PAG1: variants seen among roughly 807,000 people sequenced by gnomAD.
PAG1 encodes the protein phosphoprotein membrane anchor with glycosphingolipid microdomains 1.
A neutral mutation model predicts 31.7 loss-of-function variants in PAG1; 23 were observed. The observed-to-expected ratio is 0.73, with a 90% confidence interval of 0.52 to 1.03. The LOEUF (loss-of-function observed/expected upper bound fraction) is 1.03, where lower values mean the gene tolerates loss of function less well. PAG1 is among the 50% of genes least tolerant of loss of function. The pLI is 0.00. For synonymous variants in PAG1, 214 were observed against 210.3 expected, an observed-to-expected ratio of 1.02 and a Z score of -0.15; for missense variants, 473 against 540.7, an observed-to-expected ratio of 0.87 and a Z score of 1.24.
Position 80,968,875 on chromosome 8 carries a change from C to A in PAG1, c.*7669G>T, listed in dbSNP as rs1807018143. On this transcript the variant is annotated 3_prime_UTR_variant, in exon 9 of 9. Transcript: ENST00000220597. ...AGTGGCAGATAGGGAATTGGGCCAA[C>A]ACATTTCTCAGAGAGACATGAGAAC... 6.6e-6 allele frequency: 1 copy of A among 152,184 alleles called. No individual in the cohort carries two copies. Among genetic ancestry groups the A allele is most frequent in the African/African-American group, 2.4e-5 (1 of 41,458 alleles). The allele number at this position is 152,184 out of a possible 1,614,324, so 9.4% of individuals were successfully genotyped here.
intron 2 of PAG1, among the ~76,000 whole-genome samples, chr8:81,031,082 T>C (rs573423254): frequency 6.6e-6 from 1 of 152,356 alleles, no homozygotes; most frequent in East Asian, 1.9e-4. Context: ...TGTTCTTTTG[T>C]TAGAACCACA....
chr8:81,088,539 A>G (rs1222915456), intron 1 of PAG1, among the ~76,000 whole-genome samples: 2 of 152,206 alleles, frequency 1.3e-5, no homozygotes, highest in African/African-American at 2.4e-5. Context: ...ATAATACAAA[A>G]TAGACAAACA....
chr8:81,041,652 T>C (rs2130837105), intron 2 of PAG1, among the ~76,000 whole-genome samples: 1 of 152,358 alleles, frequency 6.6e-6, no homozygotes, highest in Non-Finnish European at 1.5e-5. Flanking sequence ...CTTCTACCTC[T>C]TTTAGGTAGT....
At chr8:81,080,104 G>A (rs199579886) in intron 1 of PAG1, among the ~76,000 whole-genome samples, 2 of 152,086 alleles carry the variant, frequency 1.3e-5, no homozygotes, top group East Asian at 3.9e-4. Flanking sequence ...TTGAATCTCC[G>A]CAAAACTACT....
chr8:81,045,611 G>A (rs1808628889), intron 2 of PAG1, among the ~76,000 whole-genome samples: 1 of 152,176 alleles, frequency 6.6e-6, no homozygotes, highest in Admixed American at 6.5e-5. Context: ...AAAATTGATT[G>A]TGGTGATGGT....
At chr8:81,050,061 AC>A (rs1320116126) in intron 2 of PAG1, among the ~76,000 whole-genome samples, 1 of 152,236 alleles carries the variant, frequency 6.6e-6, no homozygotes, top group Non-Finnish European at 1.5e-5. Flanking sequence ...ATGGATAAAA[AC>A]AAAAATTAAC....
At position 81,030,638 on chromosome 8, in the gene PAG1, T is replaced by C. The variant is rs181893657; in HGVS notation, c.-174-549A>G. 2.0e-5 allele frequency among the ~76,000 whole-genome samples: 3 copies of C among 152,356 alleles called. No individual in the cohort carries two copies. The East Asian group carries it at 5.8e-4, about 29-fold the overall frequency. On this transcript the variant is annotated intron_variant, in intron 2 of 8. Coordinates refer to ENST00000220597, the MANE Select transcript of PAG1 (RefSeq NM_018440.4). ...CGAGTTGTCCCTTCACGCATTCTGC[T>C]GTGGAAATGGGGAAGATGTTCAGAA...
At chr8:81,103,357 A>G (rs1049154521) in intron 1 of PAG1, among the ~76,000 whole-genome samples, 18 of 152,306 alleles carry the variant, frequency 1.2e-4, no homozygotes, top group Non-Finnish European at 2.5e-4. Flanking sequence ...ATACAGCAAC[A>G]TGATGGAGTG....
intron 3 of PAG1, among the ~76,000 whole-genome samples, chr8:80,997,552 G>T (rs1332709839): frequency 3.3e-5 from 5 of 152,168 alleles, no homozygotes; most frequent in African/African-American, 2.4e-5. Flanking sequence ...ACCACACCCA[G>T]CCTATTTCTT....
chr8:80,985,931 C>T (rs1807410089), intron 6 of PAG1, among the ~76,000 whole-genome samples: 1 of 149,308 alleles, frequency 6.7e-6, no homozygotes, highest in African/African-American at 2.5e-5. Flanking sequence ...CATCTCATCC[C>T]GCCACCAACA....
chr8:80,997,355 C>T (rs1420747756), intron 3 of PAG1, among the ~76,000 whole-genome samples: 2 of 152,090 alleles, frequency 1.3e-5, no homozygotes, highest in African/African-American at 4.8e-5. Flanking sequence ...ACTGCAGCCT[C>T]GACCTCCTGG....
At chr8:81,031,902 T>G (rs1380429118) in intron 2 of PAG1, among the ~76,000 whole-genome samples, 1 of 152,238 alleles carries the variant, frequency 6.6e-6, no homozygotes, top group African/African-American at 2.4e-5. Context: ...CCCATATATT[T>G]ATATTCCTTC....
chr8:81,089,974 TATATCTTTCC>T (rs1809419984), intron 1 of PAG1, among the ~76,000 whole-genome samples: 1 of 152,244 alleles, frequency 6.6e-6, no homozygotes. Flanking sequence ...AAACTCTGCA[TATATCTTTCC>T]ACTTACTCTT....
intron 2 of PAG1, among the ~76,000 whole-genome samples, chr8:81,034,763 C>T (rs983549393): frequency 6.6e-6 from 1 of 152,192 alleles, no homozygotes; most frequent in Non-Finnish European, 1.5e-5. Flanking sequence ...TACTGGAAGA[C>T]ACCTATTTAA....
chr8:81,078,122 G>A (rs1809207396), intron 1 of PAG1, among the ~76,000 whole-genome samples: 1 of 152,208 alleles, frequency 6.6e-6, no homozygotes, highest in Non-Finnish European at 1.5e-5. Context: ...CTCCTTCAGT[G>A]CCAGAGTTTC....
rs1207164759 is a variant in PAG1, at chr8:81,019,561, A to G, written c.-81+10435T>C. Reference sequence around the variant, plus strand: ...GCTTCAGAGGGTGCAAGCCCCAAGCATTGGTGGCTTACACATGGTGTTGGG... The same window carrying G: ...GCTTCAGAGGGTGCAAGCCCCAAGCGTTGGTGGCTTACACATGGTGTTGGG... On this transcript the variant is annotated intron_variant, in intron 3 of 8. Coordinates refer to ENST00000220597, the MANE Select transcript of PAG1 (RefSeq NM_018440.4). Among the ~76,000 whole-genome samples the G allele has an allele frequency of 2.6e-5, 4 of 152,242 alleles. No homozygotes were observed. The East Asian group carries it at 5.8e-4, about 22-fold the overall frequency.
At chr8:81,007,494 G>A (rs1426707276) in intron 3 of PAG1, among the ~76,000 whole-genome samples, 1 of 150,376 alleles carries the variant, frequency 6.6e-6, no homozygotes, top group Non-Finnish European at 1.5e-5. Flanking sequence ...AATAGTAGAC[G>A]GGTGTGGTGG....
In PAG1 at chr8:81,023,126, C is replaced by A. The variant is rs571158984; in HGVS notation, c.-81+6870G>T. ...ATAAGAAGTGCCTTAAGTAAAATTA[C>A]TTGATTTTAAGTTAATTATTATTAA... is the stretch of plus-strand genomic sequence containing the variant. On this transcript the variant is annotated intron_variant, in intron 3 of 8. Coordinates refer to ENST00000220597, the MANE Select transcript of PAG1 (RefSeq NM_018440.4). 3.7e-4 allele frequency among the ~76,000 whole-genome samples: 57 copies of A among 152,092 alleles called. 1 individual carries two copies. The East Asian group carries it at 0.011, about 29-fold the overall frequency.
chr8:81,007,337 G>C (rs1399822267), intron 3 of PAG1, among the ~76,000 whole-genome samples: 1 of 152,058 alleles, frequency 6.6e-6, no homozygotes, highest in Non-Finnish European at 1.5e-5. Flanking sequence ...AAATAGGCCA[G>C]GCATGGTGGC....
Sources: gnomAD v4.1 joint callset for allele counts (sites outside exome capture counted in the v4.1 genomes callset) on GRCh38, gnomAD v4.1.1 for gene constraint, MANE v1.5 for transcripts, NCBI Gene and HGNC (gene_info 2026-07-23, HGNC 2026-07-21) for gene names.